The following GPD2 variants were observed in gnomAD, a reference collection of about 807,000 sequenced individuals.
GPD2 encodes the protein glycerol-3-phosphate dehydrogenase, mitochondrial.
Under a neutral mutation model 82.4 loss-of-function variants are expected in GPD2, and 54 were observed. The ratio of observed to expected loss-of-function variants is 0.66; its 90% CI spans 0.53 to 0.82. The LOEUF is 0.82. GPD2 is among the 40% of genes least tolerant of loss of function. GPD2 has a pLI of 0.00. For synonymous variants in GPD2, 288 were observed against 306.1 expected (o/e 0.94, Z 0.62); for missense variants, 748 against 896.2 (o/e 0.83, Z 2.11).
chr2:156,497,243 T>A (rs1276285821), intron 3 of GPD2, among the ~76,000 whole-genome samples: 1 of 152,182 alleles, frequency 6.6e-6, no homozygotes, highest in Non-Finnish European at 1.5e-5. Context: ...CTTCTCTGAA[T>A]GATTGTTGTG....
chr2:156,445,638 T>C (rs1317015796), intron 1 of GPD2, among the ~76,000 whole-genome samples: 1 of 152,258 alleles, frequency 6.6e-6, no homozygotes, highest in East Asian at 1.9e-4. Context: ...TCTACTCCTA[T>C]ACTTGGGTTT....
chr2:156,439,189 A>G (rs1195041411), intron 1 of GPD2, among the ~76,000 whole-genome samples: 1 of 152,176 alleles, frequency 6.6e-6, no homozygotes, highest in African/African-American at 2.4e-5. Flanking sequence ...CAAGAAATCA[A>G]TACTTGTCAC....
chr2:156,525,353 C>T (rs1180033211), intron 6 of GPD2, among the ~76,000 whole-genome samples: 4 of 152,166 alleles, frequency 2.6e-5, no homozygotes, highest in Admixed American at 6.6e-5. Flanking sequence ...CAAGATACTC[C>T]GGTTTCATCT....
At chr2:156,404,147 C>A in the GPD2 span, among the ~76,000 whole-genome samples, 1 of 151,952 alleles carries the variant, frequency 6.6e-6, no homozygotes, top group Non-Finnish European at 1.5e-5. Context: ...ACAGAAGGAT[C>A]AACTGAGGCC....
the GPD2 span, among the ~76,000 whole-genome samples, chr2:156,407,610 G>C: frequency 1.3e-5 from 2 of 152,194 alleles, no homozygotes; most frequent in African/African-American, 2.4e-5. Context: ...AGCTGTAATT[G>C]TAAGATGCAT....
intron 6 of GPD2, among the ~76,000 whole-genome samples, chr2:156,542,558 A>G (rs1686361520): frequency 6.6e-6 from 1 of 152,196 alleles, no homozygotes; most frequent in Non-Finnish European, 1.5e-5. Context: ...ATAAATATAC[A>G]TAAAACATAG....
chr2:156,477,497 TA>T lies in GPD2; in HGVS notation c.102+1296del, dbSNP rs530041976. 2.6e-5 allele frequency among the ~76,000 whole-genome samples: 4 copies of T among 152,236 alleles called. No homozygotes were observed. The East Asian group carries it at 7.7e-4, about 29-fold the overall frequency. On this transcript the variant is annotated intron_variant, in intron 2 of 16. Coordinates refer to ENST00000438166, the MANE Select transcript of GPD2 (RefSeq NM_000408.5). ...AAGAATTAGTATGCTGGCCTATCAT[TA>T]AAAAACCCAACAAGCCAATTTTTAT...
At chr2:156,532,141 T>G (rs1055846724) in intron 6 of GPD2, among the ~76,000 whole-genome samples, 10 of 152,118 alleles carry the variant, frequency 6.6e-5, no homozygotes, top group African/African-American at 2.4e-4. Flanking sequence ...AAGACTATCG[T>G]TGTGCACCAA....
At chr2:156,400,556 T>G in the GPD2 span, among the ~76,000 whole-genome samples, 29 of 152,232 alleles carry the variant, frequency 1.9e-4, no homozygotes, top group Admixed American at 1.9e-3. Context: ...GGAGTGAGGC[T>G]TCATTGGTCC....
At chr2:156,519,735 G>T (rs1393333140) in intron 6 of GPD2, among the ~76,000 whole-genome samples, 2 of 152,210 alleles carry the variant, frequency 1.3e-5, no homozygotes, top group East Asian at 1.9e-4. Context: ...GGTGTGGCTC[G>T]ATTACCTGGC....
intron 6 of GPD2, among the ~76,000 whole-genome samples, chr2:156,535,394 G>T (rs1465342007): frequency 2.6e-5 from 3 of 117,368 alleles, no homozygotes; most frequent in Non-Finnish European, 3.4e-5. Flanking sequence ...AGACCTGGGG[G>T]GGGGCGGGGA....
chr2:156,401,219 T>G, the GPD2 span, among the ~76,000 whole-genome samples: 2 of 152,208 alleles, frequency 1.3e-5, no homozygotes, highest in Admixed American at 6.5e-5. Context: ...CACCAATGCT[T>G]ATAGCAAATG....
At chr2:156,413,152 T>A in the GPD2 span, among the ~76,000 whole-genome samples, 3 of 152,060 alleles carry the variant, frequency 2.0e-5, no homozygotes, top group South Asian at 6.2e-4. Flanking sequence ...CAAGTAATTA[T>A]AAAACTGAGA....
At chr2:156,401,236 T>C in the GPD2 span, among the ~76,000 whole-genome samples, 1 of 152,220 alleles carries the variant, frequency 6.6e-6, no homozygotes, top group Non-Finnish European at 1.5e-5. Flanking sequence ...AATGTGCTTT[T>C]CTATTGCTTA....
chr2:156,443,820 C>T (rs1682262516), intron 1 of GPD2, among the ~76,000 whole-genome samples: 1 of 152,186 alleles, frequency 6.6e-6, no homozygotes, highest in South Asian at 2.1e-4. Context: ...CCCCTACTTA[C>T]CCACCTAATC....
At chr2:156,419,049 CTTTTTTTTTTTTTT>C in the GPD2 span, among the ~76,000 whole-genome samples, 17 of 77,216 alleles carry the variant, frequency 2.2e-4, no homozygotes, top group African/African-American at 6.0e-4. Context: ...TTCTTTCCTT[CTTTTTTTTTTTTTT>C]TTTTTTTTTT....
the GPD2 span, among the ~76,000 whole-genome samples, chr2:156,420,496 G>T: frequency 6.6e-6 from 1 of 151,950 alleles, no homozygotes; most frequent in Admixed American, 6.6e-5. Context: ...TACCTATTTT[G>T]CATCTCTTAA....
intron 8 of GPD2, among the ~76,000 whole-genome samples, chr2:156,551,181 TA>T (rs1231709227): frequency 1.4e-5 from 2 of 139,440 alleles, no homozygotes; most frequent in Non-Finnish European, 3.1e-5. Context: ...TTCTTAGGTT[TA>T]TAACTTTTGA....
chr2:156,468,270 T>C (rs1247072055), intron 1 of GPD2, among the ~76,000 whole-genome samples: 1 of 152,212 alleles, frequency 6.6e-6, no homozygotes, highest in Non-Finnish European at 1.5e-5. Context: ...GTGGACTTGC[T>C]GTCAAGCTAT....
Sources: gnomAD v4.1 joint callset for allele counts (sites outside exome capture counted in the v4.1 genomes callset) on GRCh38, gnomAD v4.1.1 for gene constraint, MANE v1.5 for transcripts, NCBI Gene and HGNC (gene_info 2026-07-23, HGNC 2026-07-21) for gene names.